The following WDR25 variants were observed in gnomAD, a reference collection of about 807,000 sequenced individuals.
WDR25 encodes the protein WD repeat domain 25.
A neutral mutation model predicts 47.7 loss-of-function variants in WDR25; 35 were observed. That is an observed-to-expected ratio of 0.73 (90% CI 0.56 to 0.97). The LOEUF (loss-of-function observed/expected upper bound fraction) is 0.97. WDR25 is among the 50% of genes least tolerant of loss of function. The pLI, the probability that WDR25 is intolerant of heterozygous loss-of-function variation, is 0.00. For synonymous variants in WDR25, 248 were observed against 278.9 expected (o/e 0.89, Z 1.10); for missense variants, 634 against 704.7 (o/e 0.90, Z 1.14).
chr14:100,421,519 T>C (rs1314114207), intron 2 of WDR25, among the ~76,000 whole-genome samples: 2 of 152,194 alleles, frequency 1.3e-5, no homozygotes, highest in Non-Finnish European at 2.9e-5. Context: ...TTGTGACCTA[T>C]GTTAATCCTA....
intron 5 of WDR25, 78 bp downstream of exon 5, chr14:100,526,118 C>G: frequency 6.6e-7 from 1 of 1,516,614 alleles, no homozygotes; most frequent in East Asian, 2.4e-5. Context: ...TCTGAGGTCC[C>G]AGGTCCCTTC....
intron 2 of WDR25, among the ~76,000 whole-genome samples, chr14:100,456,397 CATG>C (rs1191014256): frequency 6.6e-6 from 1 of 152,030 alleles, no homozygotes; most frequent in Non-Finnish European, 1.5e-5. Context: ...AAATATGAAC[CATG>C]ATGAGAAGAA....
chr14:100,406,318 A>G (rs1189381543), intron 2 of WDR25, among the ~76,000 whole-genome samples: 1 of 152,200 alleles, frequency 6.6e-6, no homozygotes, highest in African/African-American at 2.4e-5. Context: ...CAGGAGGGGT[A>G]TGAAGGGCAA....
intron 3 of WDR25, among the ~76,000 whole-genome samples, chr14:100,482,542 A>G (rs565260154): frequency 1.3e-5 from 2 of 152,150 alleles, no homozygotes; most frequent in South Asian, 4.1e-4. Flanking sequence ...GATGGGGCGT[A>G]CTGTCAAACT....
At chr14:100,427,000 A>C (rs540796092) in intron 2 of WDR25, among the ~76,000 whole-genome samples, 1 of 152,210 alleles carries the variant, frequency 6.6e-6, no homozygotes, top group East Asian at 1.9e-4. Flanking sequence ...GGCTTGCTTA[A>C]AACCCTTCAG....
In WDR25 at chr14:100,518,237, G is replaced by T. The variant is rs1373548466; in HGVS notation, c.1102-7633G>T. ...CTTCATTTCCTCTTTATTCCTGAAA[G>T]ATATTTTTGCTGTCTGTAAAATTTT... is the stretch of plus-strand genomic sequence containing the variant. On this transcript the variant is annotated intron_variant, in intron 4 of 6. Transcript: ENST00000402312. 2.6e-5 allele frequency among the ~76,000 whole-genome samples: 4 copies of T among 152,114 alleles called. No homozygotes were observed. The East Asian group carries it at 7.7e-4, about 29-fold the overall frequency.
At position 100,506,213 on chromosome 14, in the gene WDR25, A is replaced by G. The variant is rs369051206; in HGVS notation, c.1102-19657A>G. Among the ~76,000 whole-genome samples, 11 of 152,226 alleles carry G rather than the reference A, an allele frequency of 7.2e-5. No individual in the cohort carries two copies. Among genetic ancestry groups the G allele is most frequent in the Non-Finnish European group, 1.0e-4 (7 of 68,036 alleles). ...AATTTGCTTAGGAAAATGGTCTCCA[A>G]CTTCATCCGTGTTGCTGCAAAGGAC... On this transcript the variant is annotated intron_variant, in intron 4 of 6. Coordinates refer to ENST00000402312, the MANE Select transcript of WDR25 (RefSeq NM_001161476.3). This position sits in a 1 kb window ranked among gnomAD's most constrained non-coding sequence, Gnocchi z 4.8.
chr14:100,466,377 G>A (rs1451505425), intron 2 of WDR25, among the ~76,000 whole-genome samples: 1 of 152,212 alleles, frequency 6.6e-6, no homozygotes, highest in African/African-American at 2.4e-5. Flanking sequence ...TCGGGACTTG[G>A]CAGGTTGAAT....
intron 2 of WDR25, among the ~76,000 whole-genome samples, chr14:100,444,317 C>T (rs1272918527): frequency 6.6e-6 from 1 of 152,236 alleles, no homozygotes; most frequent in Non-Finnish European, 1.5e-5. Context: ...GGGAGCCCTG[C>T]AGCCACTGAG....
chr14:100,400,459 C>T (rs1442019337), intron 2 of WDR25, among the ~76,000 whole-genome samples: 3 of 152,190 alleles, frequency 2.0e-5, no homozygotes, highest in Non-Finnish European at 4.4e-5. Context: ...CAGCCAGCAC[C>T]AGCTAATAGC....
chr14:100,408,727 T>C (rs2140185703), intron 2 of WDR25, among the ~76,000 whole-genome samples: 1 of 152,376 alleles, frequency 6.6e-6, no homozygotes, highest in Middle Eastern at 3.4e-3. Flanking sequence ...CAGTTAATGA[T>C]AGTATATGAC....
Position 100,525,794 on chromosome 14 carries a change from G to C in WDR25, c.1102-76G>C, listed in dbSNP as rs1035458238. On this transcript the variant is annotated intron_variant, in intron 4 of 6. Coordinates refer to ENST00000402312, the MANE Select transcript of WDR25 (RefSeq NM_001161476.3). The surrounding 1 kb of genome is among the most constrained non-coding windows in gnomAD (Gnocchi z 4.6). ...CTTCACTAAACCTGCCTGCCCCCTG[G>C]GTCCTTGGCCTTCCCTGCATAGGCG... The C allele has an allele frequency of 1.9e-6, 3 of 1,553,986 alleles. No homozygotes were observed. The highest frequency in any genetic ancestry group is 3.7e-5 in the Admixed American group (2 of 53,386).
chr14:100,462,066 CA>C (rs1899433706), intron 2 of WDR25, among the ~76,000 whole-genome samples: 1 of 151,694 alleles, frequency 6.6e-6, no homozygotes. Context: ...TTTTTGTAAC[CA>C]AAAACGAAAG....
chr14:100,500,384 G>A lies in WDR25; in HGVS notation c.1101+16260G>A, dbSNP rs1900878939. ...CTTCTTCCAGGGACCCGAGGAGGGTGAAGTGGCTCTGGCTGTGGAGGGTGG... is the reference window on the plus strand; with the variant it reads ...CTTCTTCCAGGGACCCGAGGAGGGTAAAGTGGCTCTGGCTGTGGAGGGTGG... On this transcript the variant is annotated intron_variant, in intron 4 of 6. Coordinates refer to ENST00000402312, the MANE Select transcript of WDR25 (RefSeq NM_001161476.3). This position sits in a 1 kb window ranked among gnomAD's most constrained non-coding sequence, Gnocchi z 4.7. 6.6e-6 allele frequency among the ~76,000 whole-genome samples: 1 copy of A among 152,210 alleles called. No individual in the cohort carries two copies. Among genetic ancestry groups the A allele is most frequent in the Admixed American group, 6.5e-5 (1 of 15,286 alleles).
intron 4 of WDR25, among the ~76,000 whole-genome samples, chr14:100,509,309 T>C (rs1901222047): frequency 6.6e-6 from 1 of 152,250 alleles, no homozygotes; most frequent in Non-Finnish European, 1.5e-5. Flanking sequence ...TTATCTTTTA[T>C]CTTCTAAGGA....
At chr14:100,520,893 T>C (rs761544944) in intron 4 of WDR25, among the ~76,000 whole-genome samples, 4 of 152,216 alleles carry the variant, frequency 2.6e-5, no homozygotes, top group Non-Finnish European at 4.4e-5. Context: ...CCAAAGTAAC[T>C]GTGCTTCAGG....
In WDR25 at chr14:100,418,645, A is replaced by AG. The variant is rs1198800258; in HGVS notation, c.822+36899_822+36900insG. Among the ~76,000 whole-genome samples the AG allele has an allele frequency of 1.8e-3, 273 of 151,846 alleles. 2 individuals are homozygous for AG. The South Asian group carries it at 0.026, about 14-fold the overall frequency. ...AGCGAGACTCCGTCTCAAAAAAAAA[A>AG]AAAAGGTGAAAAATTTGCACAACAG... On this transcript the variant is annotated intron_variant, in intron 2 of 6. Coordinates refer to ENST00000402312, the MANE Select transcript of WDR25 (RefSeq NM_001161476.3).
chr14:100,471,363 G>C (rs1899826271), intron 3 of WDR25, among the ~76,000 whole-genome samples: 1 of 152,172 alleles, frequency 6.6e-6, no homozygotes, highest in Non-Finnish European at 1.5e-5. Context: ...GGCTGGTCGG[G>C]GGGCCTCCAC....
Position 100,449,192 on chromosome 14 carries a change from T to C in WDR25, c.823-18829T>C, listed in dbSNP as rs1898941589. 1.3e-5 allele frequency among the ~76,000 whole-genome samples: 2 copies of C among 152,216 alleles called. No homozygotes were observed. The highest frequency in any genetic ancestry group is 1.3e-4 in the Admixed American group (2 of 15,290). ...TCCTTTACTGGGCTTCTGGATGGAA[T>C]TTTTGGAGCAAAGGGTTAGTACTCA... On this transcript the variant is annotated intron_variant, in intron 2 of 6. Coordinates refer to ENST00000402312, the MANE Select transcript of WDR25 (RefSeq NM_001161476.3). The surrounding 1 kb of genome is among the most constrained non-coding windows in gnomAD (Gnocchi z 4.2).
Sources: allele counts gnomAD v4.1 joint callset (sites outside exome capture counted in the v4.1 genomes callset), GRCh38; gene constraint gnomAD v4.1.1; non-coding constraint Gnocchi (gnomAD v3.1); transcripts MANE v1.5; gene names NCBI Gene and HGNC (gene_info 2026-07-23, HGNC 2026-07-21).